REV1: variants seen among roughly 807,000 people sequenced by gnomAD.
REV1 encodes REV1 DNA directed polymerase.
A neutral mutation model predicts 137.4 loss-of-function variants in REV1; 42 were observed. The ratio of observed to expected loss-of-function variants is 0.31; its 90% CI spans 0.24 to 0.40. The LOEUF (loss-of-function observed/expected upper bound fraction) is 0.40, where lower values mean the gene tolerates loss of function less well. Among genes scored for constraint, REV1 ranks in the 10% least tolerant of loss-of-function variants. REV1 has a pLI of 1.00. For missense variants in REV1, 1,282 were observed against 1,490.1 expected, an observed-to-expected ratio of 0.86 and a Z score of 2.30; for synonymous variants, 524 against 519.2, an observed-to-expected ratio of 1.01 and a Z score of -0.12.
chr2:99,453,313 T>G (rs1281426680), intron 3 of REV1, among the ~76,000 whole-genome samples: 2 of 150,956 alleles, frequency 1.3e-5, no homozygotes, highest in Non-Finnish European at 2.9e-5. Flanking sequence ...GAGCTGAGAT[T>G]GTGCCACTGC....
intron 1 of REV1, among the ~76,000 whole-genome samples, chr2:99,469,151 A>C (rs1685132939): frequency 6.6e-6 from 1 of 152,164 alleles, no homozygotes; most frequent in African/African-American, 2.4e-5. Flanking sequence ...TTGGGGGTAA[A>C]AACAGCAAGC....
chr2:99,473,236 C>T (rs912433705), intron 1 of REV1, among the ~76,000 whole-genome samples: 45 of 151,992 alleles, frequency 3.0e-4, no homozygotes, highest in African/African-American at 8.0e-4. Context: ...GGAGTGGTGG[C>T]GCATGCCTGT....
Position 99,439,265 on chromosome 2 carries a change from G to C in REV1, c.549C>G (p.Val183=), listed in dbSNP as rs772141695. 6.2e-7 allele frequency: 1 copy of C among 1,613,528 alleles called. No homozygotes were observed. The highest frequency in any genetic ancestry group is 8.5e-7 in the Non-Finnish European group (1 of 1,179,724). ...KKIETENEVK[V]NGMNSWNEED... ...CTTCATTCCAACTGTTCATGCCATT[G>C]ACTTTGACTTCATTTTCCGTTTCAA... Residue 183 remains valine (V), a synonymous_variant, in exon 6 of 23, where the codon GTC becomes GTG. Transcript: ENST00000258428.
intron 1 of REV1, among the ~76,000 whole-genome samples, chr2:99,474,514 C>A (rs1685758241): frequency 6.6e-6 from 1 of 152,216 alleles, no homozygotes; most frequent in South Asian, 2.1e-4. Context: ...AATCTAGCAA[C>A]AGTCTGGATC....
intron 12 of REV1, 34 bp downstream of exon 12, chr2:99,418,794 G>A (rs1678239350): frequency 6.3e-7 from 1 of 1,583,262 alleles, no homozygotes; most frequent in Non-Finnish European, 8.7e-7. Context: ...TGTAATGCCT[G>A]TAATAAAAGT....
At chr2:99,465,781 T>C (rs1474292893) in intron 1 of REV1, among the ~76,000 whole-genome samples, 1 of 152,236 alleles carries the variant, frequency 6.6e-6, no homozygotes, top group African/African-American at 2.4e-5. Context: ...TTCTAGTAAC[T>C]ATATACATGT....
In REV1 at chr2:99,408,141, A is replaced by C. The variant is rs1299383143; in HGVS notation, c.2346-10T>G. The C allele has an allele frequency of 6.4e-7, 1 of 1,552,460 alleles. No homozygotes were observed. Among genetic ancestry groups the C allele is most frequent in the Non-Finnish European group, 8.8e-7 (1 of 1,133,028 alleles). Reference sequence around the variant, plus strand: ...GTCAAGAGTTACAGTCCTGTAAGTGATAGAATTAAAAAACAAAAGCTTCAT... The same window carrying C: ...GTCAAGAGTTACAGTCCTGTAAGTGCTAGAATTAAAAAACAAAAGCTTCAT... On this transcript the variant is annotated splice_polypyrimidine_tract_variant and intron_variant, in intron 14 of 22. Coordinates refer to ENST00000258428, the MANE Select transcript of REV1 (RefSeq NM_016316.4).
chr2:99,404,689 C>T lies in REV1; in HGVS notation c.2812-12G>A. 6.3e-7 allele frequency: 1 copy of T among 1,581,420 alleles called. No homozygotes were observed. On this transcript the variant is annotated splice_polypyrimidine_tract_variant and intron_variant, in intron 17 of 22. Transcript: ENST00000258428. Reference sequence around the variant, plus strand: ...ACAGACTGATCCAGCTATAAAATGCCAAACATATGAGTAGGAAGTTAAAGC... The same window carrying T: ...ACAGACTGATCCAGCTATAAAATGCTAAACATATGAGTAGGAAGTTAAAGC...
chr2:99,403,256 AT>A (rs1405118635), intron 19 of REV1, 150 bp from the exon 20 acceptor site: 3 of 655,438 alleles, frequency 4.6e-6, no homozygotes, highest in Non-Finnish European at 7.7e-6. Flanking sequence ...GTGAATGGCA[AT>A]GGCCCAAAGT....
intron 9 of REV1, chr2:99,425,015 T>G: frequency 5.5e-6 from 4 of 728,330 alleles, no homozygotes; most frequent in Non-Finnish European, 7.4e-6. Flanking sequence ...TTAGTAAAAT[T>G]CTATTTTATC....
chr2:99,423,436 C>T (rs935578299), intron 10 of REV1, among the ~76,000 whole-genome samples: 5 of 152,154 alleles, frequency 3.3e-5, no homozygotes, highest in East Asian at 1.9e-4. Context: ...CCATTCACAA[C>T]GCAGAACTGA....
At chr2:99,411,931 A>G (rs1677212388) in intron 13 of REV1, among the ~76,000 whole-genome samples, 1 of 151,934 alleles carries the variant, frequency 6.6e-6, no homozygotes, top group Non-Finnish European at 1.5e-5. Flanking sequence ...TTGTTTGTAC[A>G]TACAAATTCA....
intron 11 of REV1, among the ~76,000 whole-genome samples, chr2:99,420,982 G>T (rs999419367): frequency 2.0e-5 from 3 of 152,188 alleles, no homozygotes; most frequent in Non-Finnish European, 4.4e-5. Flanking sequence ...AAAAAGCAGG[G>T]TAAGTGCTGG....
chr2:99,433,035 T>C (rs1489456467), intron 8 of REV1, among the ~76,000 whole-genome samples: 3 of 152,230 alleles, frequency 2.0e-5, no homozygotes, highest in Non-Finnish European at 4.4e-5. Context: ...TGCAAGTATA[T>C]ACATGGTGGT....
At chr2:99,469,011 A>G (rs1452099983) in intron 1 of REV1, among the ~76,000 whole-genome samples, 3 of 152,220 alleles carry the variant, frequency 2.0e-5, no homozygotes, top group African/African-American at 4.8e-5. Flanking sequence ...ACTGCCTAAC[A>G]ATGTGATTCA....
At chr2:99,401,404 GACT>G in intron 22 of REV1, 52 bp from the exon 23 acceptor site, 1 of 1,165,208 alleles carries the variant, frequency 8.6e-7, no homozygotes, top group Non-Finnish European at 1.2e-6. Flanking sequence ...AGGTCCTTAA[GACT>G]AATTATTCCT....
At chr2:99,417,295 T>C (rs1031331961) in intron 12 of REV1, among the ~76,000 whole-genome samples, 1 of 152,056 alleles carries the variant, frequency 6.6e-6, no homozygotes, top group African/African-American at 2.4e-5. Context: ...ATGTGCCACC[T>C]ACCCCCAGCT....
chr2:99,471,456 G>T (rs1236218636), intron 1 of REV1, among the ~76,000 whole-genome samples: 8 of 152,016 alleles, frequency 5.3e-5, no homozygotes, highest in Non-Finnish European at 5.9e-5. Flanking sequence ...ATAAATATAA[G>T]AGCTAAAACT....
chr2:99,429,025 C>T (rs1679772399), intron 9 of REV1, among the ~76,000 whole-genome samples: 2 of 146,024 alleles, frequency 1.4e-5, no homozygotes, highest in African/African-American at 5.0e-5. Context: ...TGTAACTGAT[C>T]TAAGACTCTG....
Sources: gnomAD v4.1 joint callset for allele counts (sites outside exome capture counted in the v4.1 genomes callset) on GRCh38, gnomAD v4.1.1 for gene constraint, MANE v1.5 for transcripts, NCBI Gene and HGNC (gene_info 2026-07-23, HGNC 2026-07-21) for gene names.